Variants in DMD observed in about 807,000 individuals in gnomAD.
DMD encodes the protein mutant dystrophin.
DMD carries 63 observed loss-of-function variants against 330.1 expected under a neutral mutation model. The ratio of observed to expected loss-of-function variants is 0.19; its 90% confidence interval spans 0.16 to 0.24. The LOEUF (loss-of-function observed/expected upper bound fraction) is 0.24. Among genes scored for constraint, DMD ranks in the 10% least tolerant of loss-of-function variants. The pLI is 1.00. For missense variants in DMD, 3,344 were observed against 2,684.1 expected, an observed-to-expected ratio of 1.25 and a Z score of -5.43; for synonymous variants, 1,223 against 959.8, an observed-to-expected ratio of 1.27 and a Z score of -5.07.
intron 68 of DMD, 67 bp from the exon 69 acceptor site, chrX:31,180,548 A>G (rs1047435962): frequency 2.3e-5 from 17 of 729,450 alleles, no homozygotes; most frequent in Non-Finnish European, 2.6e-5. Context: ...ACACTCTTTA[A>G]TAAACCTTCT....
intron 55 of DMD, among the ~76,000 whole-genome samples, chrX:31,617,087 T>TAAA (rs1467307451): frequency 9.0e-6 from 1 of 111,609 alleles, no homozygotes; most frequent in Non-Finnish European, 1.9e-5. Flanking sequence ...GGGACAGACA[T>TAAA]TGGAAAGGAA....
intron 2 of DMD, among the ~76,000 whole-genome samples, chrX:32,938,366 G>A (rs1180750022): frequency 9.0e-6 from 1 of 111,527 alleles, no homozygotes; most frequent in African/African-American, 3.3e-5. Flanking sequence ...ATTTTCCCTT[G>A]CATTTCAGAG....
At chrX:32,638,871 T>C (rs1404239795) in intron 11 of DMD, among the ~76,000 whole-genome samples, 1 of 111,314 alleles carries the variant, frequency 9.0e-6, no homozygotes, top group African/African-American at 3.3e-5. Context: ...CCATCTTATT[T>C]CCAGAGTCAA....
intron 1 of DMD, among the ~76,000 whole-genome samples, chrX:33,081,612 C>T (rs1317592048): frequency 3.6e-5 from 4 of 112,143 alleles, no homozygotes; most frequent in African/African-American, 1.3e-4. Context: ...CATTGCAAGG[C>T]AACCCAAAGT....
chrX:31,971,560 G>T (rs2095400042), intron 44 of DMD, among the ~76,000 whole-genome samples: 1 of 111,128 alleles, frequency 9.0e-6, no homozygotes, highest in Non-Finnish European at 1.9e-5. Context: ...TTTGCAACCA[G>T]GAGAAATATT....
chrX:31,446,929 G>A (rs1392525313), intron 59 of DMD, among the ~76,000 whole-genome samples: 1 of 111,753 alleles, frequency 8.9e-6, no homozygotes, highest in Non-Finnish European at 1.9e-5. Flanking sequence ...ATACAGGTGA[G>A]TCCTTTGTGC....
At chrX:31,841,784 T>C (rs2093323081) in intron 48 of DMD, among the ~76,000 whole-genome samples, 1 of 112,243 alleles carries the variant, frequency 8.9e-6, no homozygotes, top group Admixed American at 9.4e-5. Context: ...GCCATACCTA[T>C]TGCACAGAAG....
intron 1 of DMD, among the ~76,000 whole-genome samples, chrX:33,088,717 C>G (rs1334849320): frequency 2.7e-5 from 3 of 111,708 alleles, no homozygotes; most frequent in African/African-American, 9.7e-5. Context: ...TACCAGATGA[C>G]ATATTAAATA....
chrX:33,197,868 C>G (rs917176945), intron 1 of DMD, among the ~76,000 whole-genome samples: 1 of 111,033 alleles, frequency 9.0e-6, no homozygotes, highest in Non-Finnish European at 1.9e-5. Flanking sequence ...TTTCTTGTTT[C>G]TAGCTACTGC....
chrX:32,822,696 A>G (rs1041179501), intron 5 of DMD, among the ~76,000 whole-genome samples: 8 of 109,921 alleles, frequency 7.3e-5, no homozygotes, highest in African/African-American at 2.0e-4. Flanking sequence ...ATATATACGC[A>G]TATATACTAC....
At chrX:32,233,297 A>C (rs1370027708) in intron 43 of DMD, among the ~76,000 whole-genome samples, 1 of 111,171 alleles carries the variant, frequency 9.0e-6, no homozygotes, top group Non-Finnish European at 1.9e-5. Context: ...TACCTATGGA[A>C]TCTTTCTGGT....
intron 44 of DMD, among the ~76,000 whole-genome samples, chrX:32,103,691 C>T (rs1166580597): frequency 1.8e-5 from 2 of 112,217 alleles, no homozygotes; most frequent in African/African-American, 3.2e-5. Context: ...CTCTTCCTGA[C>T]TCAGATTGGC....
intron 41 of DMD, among the ~76,000 whole-genome samples, chrX:32,328,802 C>T (rs1032261778): frequency 9.0e-5 from 10 of 111,276 alleles, no homozygotes; most frequent in Non-Finnish European, 5.7e-5. Context: ...TTTAATACCT[C>T]CAAAACTGTT....
intron 41 of DMD, among the ~76,000 whole-genome samples, chrX:32,340,924 C>T (rs981761029): frequency 1.2e-4 from 13 of 111,521 alleles, no homozygotes; most frequent in African/African-American, 2.9e-4. Context: ...AATTCACCTG[C>T]TATTAAACTT....
chrX:31,863,198 C>T (rs1330481721), intron 48 of DMD, among the ~76,000 whole-genome samples: 1 of 112,177 alleles, frequency 8.9e-6, no homozygotes, highest in Non-Finnish European at 1.9e-5. Flanking sequence ...ACAAAATTAG[C>T]CGGGCGTGGT....
chrX:32,085,605 T>TATATATATAC (rs1184784241), intron 44 of DMD, among the ~76,000 whole-genome samples: 6,429 of 96,188 alleles, frequency 0.067, 457 homozygotes, highest in African/African-American at 0.16. Context: ...TGTATATATG[T>TATATATATAC]GTATATATAT....
chrX:31,221,689 T>G (rs2046054858), intron 64 of DMD, among the ~76,000 whole-genome samples: 1 of 113,054 alleles, frequency 8.8e-6, no homozygotes, highest in Non-Finnish European at 1.9e-5. Context: ...ATACATATAT[T>G]TGCTTATGTC....
At chrX:33,291,492 C>T (rs1252907254) in intron 1 of DMD, among the ~76,000 whole-genome samples, 3 of 111,320 alleles carry the variant, frequency 2.7e-5, no homozygotes, top group South Asian at 7.5e-4. Context: ...TGCCATTTAT[C>T]CCCATGTAAT....
At chrX:31,341,886 C>CGTGCGT (rs2057772187) in intron 61 of DMD, among the ~76,000 whole-genome samples, 1 of 72,157 alleles carries the variant, frequency 1.4e-5, no homozygotes. Flanking sequence ...CGTGCGTGCG[C>CGTGCGT]GCGCGCACAC....
Sources: allele counts gnomAD v4.1 joint callset (sites outside exome capture counted in the v4.1 genomes callset), GRCh38; gene constraint gnomAD v4.1.1; transcripts MANE v1.5; gene names NCBI Gene and HGNC (gene_info 2026-07-23, HGNC 2026-07-21).